The following RPF2 variants were observed in gnomAD, a reference collection of about 807,000 sequenced individuals.
RPF2 encodes the protein brix domain containing 1.
Under a neutral mutation model 38.9 loss-of-function variants are expected in RPF2, and 21 were observed. That is an observed-to-expected ratio of 0.54 (90% CI 0.38 to 0.78). The LOEUF is 0.78. RPF2 is among the 30% of genes least tolerant of loss of function. The pLI, the probability that RPF2 is intolerant of heterozygous loss-of-function variation, is 0.00. For synonymous variants in RPF2, 121 were observed against 126.2 expected, an observed-to-expected ratio of 0.96 and a Z score of 0.28; for missense variants, 314 against 358.1, an observed-to-expected ratio of 0.88 and a Z score of 0.99.
rs919400738 is a variant in RPF2, at chr6:111,022,780, A to G, written c.597-1403A>G. Among the ~76,000 whole-genome samples, 5 of 152,234 alleles carry G rather than the reference A, an allele frequency of 3.3e-5. No homozygotes were observed. In the East Asian group the frequency reaches 5.8e-4, roughly 18 times the overall value. On this transcript the variant is annotated intron_variant, in intron 8 of 9. Transcript: ENST00000441448. The stretch of plus-strand genomic sequence containing the variant: ...AGTAGTACTTGGGTGATTTGAATCT[A>G]TCGGATATGCCATGAGCTGTTTTGA...
intron 2 of RPF2, among the ~76,000 whole-genome samples, chr6:110,988,495 G>T (rs955226079): frequency 2.0e-5 from 3 of 151,158 alleles, no homozygotes; most frequent in Non-Finnish European, 4.4e-5. Flanking sequence ...GAGTGCAGTG[G>T]TGCAATCACG....
intron 4 of RPF2, among the ~76,000 whole-genome samples, chr6:110,996,886 C>T (rs1223180468): frequency 6.6e-6 from 1 of 152,180 alleles, no homozygotes; most frequent in Admixed American, 6.5e-5. Flanking sequence ...ACTGCAACCT[C>T]TGCCTTCTGG....
At chr6:111,013,879 G>C (rs1772060337) in intron 7 of RPF2, among the ~76,000 whole-genome samples, 1 of 152,136 alleles carries the variant, frequency 6.6e-6, no homozygotes, top group African/African-American at 2.4e-5. Flanking sequence ...GCTCAAACCT[G>C]TAATCCCAGC....
chr6:110,995,940 C>G (rs1410150611), intron 4 of RPF2, among the ~76,000 whole-genome samples: 1 of 151,938 alleles, frequency 6.6e-6, no homozygotes, highest in Non-Finnish European at 1.5e-5. Context: ...CCTCAGCCTC[C>G]CAAGTAGGTG....
At chr6:110,984,615 G>A (rs1024365349) in intron 1 of RPF2, among the ~76,000 whole-genome samples, 6 of 152,016 alleles carry the variant, frequency 3.9e-5, no homozygotes, top group East Asian at 3.8e-4. Context: ...CGAGGTGAGC[G>A]GATCACCTGA....
At chr6:110,998,682 C>G (rs1771761415) in intron 5 of RPF2, among the ~76,000 whole-genome samples, 1 of 152,092 alleles carries the variant, frequency 6.6e-6, no homozygotes, top group Non-Finnish European at 1.5e-5. Flanking sequence ...AGAGGCTGCC[C>G]ACTCACCCGA....
chr6:110,995,245 T>C (rs763967551), intron 4 of RPF2, among the ~76,000 whole-genome samples: 4 of 152,200 alleles, frequency 2.6e-5, no homozygotes, highest in Non-Finnish European at 5.9e-5. Flanking sequence ...TTCAGGACAT[T>C]GTACAACTTT....
intron 7 of RPF2, among the ~76,000 whole-genome samples, chr6:111,012,438 G>A (rs1042831250): frequency 1.3e-5 from 2 of 151,986 alleles, no homozygotes; most frequent in Non-Finnish European, 2.9e-5. Flanking sequence ...TCCCAAAGTT[G>A]GAGGTGTGAG....
At chr6:111,003,786 G>A (rs1180025570) in intron 6 of RPF2, among the ~76,000 whole-genome samples, 1 of 152,128 alleles carries the variant, frequency 6.6e-6, no homozygotes, top group Non-Finnish European at 1.5e-5. Flanking sequence ...TTGCTACACT[G>A]CAATCTAGCC....
At chr6:111,013,545 A>G (rs1049336985) in intron 7 of RPF2, among the ~76,000 whole-genome samples, 3 of 152,222 alleles carry the variant, frequency 2.0e-5, no homozygotes, top group Non-Finnish European at 4.4e-5. Context: ...TTATATTCAT[A>G]GTCTTAGAAA....
Position 111,018,389 on chromosome 6 carries a change from T to G in RPF2, c.596+2533T>G, listed in dbSNP as rs189220223. On this transcript the variant is annotated intron_variant, in intron 8 of 9. Transcript: ENST00000441448. ...TTGAGTTTAGACTTTGCTGTACATT[T>G]TGAGCTATGGTGTGGCTGGTGTTGC... Among the ~76,000 whole-genome samples the G allele has an allele frequency of 3.5e-3, 526 of 152,316 alleles. 1 individual carries two copies. The highest frequency in any genetic ancestry group is 5.9e-3 in the Non-Finnish European group (398 of 68,014).
intron 5 of RPF2, among the ~76,000 whole-genome samples, chr6:110,999,330 AT>A (rs1200402265): frequency 2.0e-5 from 3 of 152,144 alleles, no homozygotes; most frequent in South Asian, 2.1e-4. Flanking sequence ...AGAAAAAAAA[AT>A]GTATCGACCC....
At position 110,985,917 on chromosome 6, in the gene RPF2, CAGAG is replaced by C. The variant is rs1307424570; in HGVS notation, c.156+785_156+788del. ...TGTGCCACTGCTCCAGCCTGAGTGA[CAGAG>C]AGAGACTCCATTTCAAAAAAAAAAA... On this transcript the variant is annotated intron_variant, in intron 2 of 9. Transcript: ENST00000441448. 8.2e-5 allele frequency among the ~76,000 whole-genome samples: 11 copies of C among 134,102 alleles called. No individual in the cohort carries two copies. In the East Asian group the frequency reaches 1.8e-3, roughly 21 times the overall value. The allele number at this position is 134,102 out of a possible 152,430, so 88.0% of individuals were successfully genotyped here.
intron 4 of RPF2, among the ~76,000 whole-genome samples, chr6:110,994,645 A>G (rs369194566): frequency 2.0e-5 from 3 of 151,670 alleles, no homozygotes; most frequent in East Asian, 1.9e-4. Flanking sequence ...AATACTTATT[A>G]TATGGCTTTT....
chr6:110,986,050 GAGA>G (rs1468051485), intron 2 of RPF2, among the ~76,000 whole-genome samples: 1 of 152,144 alleles, frequency 6.6e-6, no homozygotes, highest in Non-Finnish European at 1.5e-5. Context: ...GGGAGAGAAA[GAGA>G]AGATCCTCTG....
chr6:110,997,506 C>T lies in RPF2; in HGVS notation c.316+242C>T, dbSNP rs572803342. 3.0e-4 allele frequency among the ~76,000 whole-genome samples: 46 copies of T among 152,116 alleles called. No individual in the cohort carries two copies. In the South Asian group the frequency reaches 3.1e-3, roughly 10 times the overall value. ...CCTGTAATCCCAGCACTTTGGGTGG[C>T]GAGGTGGGTGGATCATTTGAGGCCA... On this transcript the variant is annotated intron_variant, in intron 5 of 9. Transcript: ENST00000441448.
chr6:110,984,133 C>T (rs1771482669), intron 1 of RPF2, among the ~76,000 whole-genome samples: 1 of 152,130 alleles, frequency 6.6e-6, no homozygotes, highest in Non-Finnish European at 1.5e-5. Flanking sequence ...TTATTATTCC[C>T]CATTGTTGGC....
intron 4 of RPF2, among the ~76,000 whole-genome samples, chr6:110,996,074 T>G (rs558021521): frequency 2.0e-5 from 3 of 151,914 alleles, no homozygotes; most frequent in Non-Finnish European, 4.4e-5. Flanking sequence ...TACCTCAGCC[T>G]TCCAAAGTGT....
Position 111,015,766 on chromosome 6 carries a change from G to A in RPF2, c.506G>A (p.Gly169Asp). The change falls in exon 8 of 10, where the codon GGC becomes GAC. Residue 169 changes from glycine (G) to aspartate (D), a missense_variant. Coordinates refer to ENST00000441448, the MANE Select transcript of RPF2 (RefSeq NM_032194.3). The part of the protein sequence containing the change: ...LKSLLIDFFR[G>D]PTVSNIRLAG... Reference sequence around the variant, plus strand: ...TATGTGCTTTTAGATTTCTTCAGAGGCCCCACAGTATCAAATATCCGCCTG... The same window carrying A: ...TATGTGCTTTTAGATTTCTTCAGAGACCCCACAGTATCAAATATCCGCCTG... 6.2e-7 allele frequency: 1 copy of A among 1,605,092 alleles called. No homozygotes were observed. Among genetic ancestry groups the A allele is most frequent in the Non-Finnish European group, 8.5e-7 (1 of 1,172,564 alleles).
Sources: allele counts gnomAD v4.1 joint callset (sites outside exome capture counted in the v4.1 genomes callset), GRCh38; gene constraint gnomAD v4.1.1; transcripts MANE v1.5; gene names NCBI Gene and HGNC (gene_info 2026-07-23, HGNC 2026-07-21).